The following COL4A3 variants were observed in gnomAD, a reference collection of about 807,000 sequenced individuals.
COL4A3 encodes the protein collagen alpha-3(IV) chain.
A neutral mutation model predicts 217.4 loss-of-function variants in COL4A3; 135 were observed. The observed-to-expected ratio is 0.62, with a 90% CI of 0.54 to 0.72. COL4A3 has a LOEUF of 0.72. COL4A3 is among the 30% of genes least tolerant of loss of function. The probability of loss-of-function intolerance (pLI) is 0.00; values close to 1 mark genes in which losing one functional copy is unlikely to be tolerated. For missense variants in COL4A3, 1,868 were observed against 2,119.9 expected (o/e 0.88, Z 2.33); for synonymous variants, 690 against 736.3 (o/e 0.94, Z 1.02).
chr2:227,181,798 G>T (rs1319708099), intron 1 of COL4A3, among the ~76,000 whole-genome samples: 1 of 151,910 alleles, frequency 6.6e-6, no homozygotes, highest in South Asian at 2.1e-4. Flanking sequence ...GATGATTTTT[G>T]CCTACATATC....
At chr2:227,288,620 A>C (rs535241116) in intron 34 of COL4A3, among the ~76,000 whole-genome samples, 2 of 152,354 alleles carry the variant, frequency 1.3e-5, no homozygotes, top group Admixed American at 6.5e-5. Context: ...CTAGATGAGA[A>C]TACTGTAGTG....
Position 227,245,006 on chromosome 2 carries a change from G to A in COL4A3, c.324+11G>A, listed in dbSNP as rs1285046431. On this transcript the variant is annotated intron_variant, in intron 5 of 51. Coordinates refer to ENST00000396578, the MANE Select transcript of COL4A3 (RefSeq NM_000091.5). ...TCTCCTGGACTTCCAGTAAGTAATG[G>A]GAAAAATCCGTAGCTAGAAAATTTA... is the stretch of plus-strand genomic sequence containing the variant. The A allele has an allele frequency of 5.6e-6, 9 of 1,610,992 alleles. No individual in the cohort carries two copies. Among genetic ancestry groups the A allele is most frequent in the Non-Finnish European group, 7.6e-6 (9 of 1,177,770 alleles).
At chr2:227,226,250 A>C (rs1332703173) in intron 1 of COL4A3, among the ~76,000 whole-genome samples, 1 of 152,108 alleles carries the variant, frequency 6.6e-6, no homozygotes, top group Non-Finnish European at 1.5e-5. Context: ...AAACATGAAG[A>C]ACTTTTGGAC....
At position 227,287,290 on chromosome 2, in the gene COL4A3, G is replaced by C. The variant is rs895234612; in HGVS notation, c.2882-1860G>C. On this transcript the variant is annotated intron_variant, in intron 34 of 51. Coordinates refer to ENST00000396578, the MANE Select transcript of COL4A3 (RefSeq NM_000091.5). ...CTACTAAAAATACAAAAATTAGCGG[G>C]CGTGGTGGCACACGCCTGTAATCCC... Among the ~76,000 whole-genome samples, 6 of 152,248 alleles carry C rather than the reference G, an allele frequency of 3.9e-5. No individual in the cohort carries two copies. The South Asian group carries it at 6.2e-4, about 16-fold the overall frequency.
intron 9 of COL4A3, among the ~76,000 whole-genome samples, chr2:227,249,212 G>GTGTATATATATATATATATATATA (rs1199261361): frequency 9.0e-5 from 3 of 33,232 alleles, no homozygotes; most frequent in African/African-American, 3.1e-4. Flanking sequence ...AAATTAGCTA[G>GTGTATATATATATATATATATATA]TATATATATA....
chr2:227,240,181 C>T lies in COL4A3; in HGVS notation c.183C>T (p.Gly61=). The T allele has an allele frequency of 6.2e-7, 1 of 1,611,864 alleles. No individual in the cohort carries two copies. Among genetic ancestry groups the T allele is most frequent in the Non-Finnish European group, 8.5e-7 (1 of 1,179,208 alleles). The stretch of plus-strand genomic sequence containing the variant: ...TTCCTGGACCCCCCGGTTCTCCTGG[C>T]CAGAAAGGATTCACAGGTCCTGAAG... The part of the protein sequence containing the change: ...KGFPGPPGSP[G]QKGFTGPEGL... Residue 61 remains glycine (G), a synonymous_variant, in exon 3 of 52, where the codon GGC becomes GGT. Transcript: ENST00000396578.
chr2:227,290,739 A>G lies in COL4A3; in HGVS notation c.3071-8A>G. The G allele has an allele frequency of 6.2e-7, 1 of 1,612,554 alleles. No homozygotes were observed. On this transcript the variant is annotated splice_region_variant and splice_polypyrimidine_tract_variant and intron_variant, in intron 36 of 51. Coordinates refer to ENST00000396578, the MANE Select transcript of COL4A3 (RefSeq NM_000091.5). ...CTATTTTACTCTATGTTTTCCCCCT[A>G]ATTTCAGGTTCTAAAGGAAAAAGGG...
At chr2:227,231,327 A>G (rs2068391366) in intron 1 of COL4A3, among the ~76,000 whole-genome samples, 1 of 152,122 alleles carries the variant, frequency 6.6e-6, no homozygotes, top group Non-Finnish European at 1.5e-5. Context: ...ATACCAGCAC[A>G]TGTCTGCTAT....
chr2:227,256,346 G>C lies in COL4A3; in HGVS notation c.937G>C (p.Val313Leu). The change falls in exon 17 of 52, where the codon GTC (valine) becomes CTC (leucine). Residue 313 changes from valine to leucine, a missense_variant. Transcript: ENST00000396578. Reference protein sequence around the residue: ...GVPGFPGSEGVKGNRGFPGLM... With the variant: ...GVPGFPGSEGLKGNRGFPGLM... Reference sequence around the variant, plus strand: ...TTCTTTTTGTTCTTTTCTTTAGGGAGTCAAGGGCAACAGGGGTTTCCCTGG... The same window carrying C: ...TTCTTTTTGTTCTTTTCTTTAGGGACTCAAGGGCAACAGGGGTTTCCCTGG... The C allele has an allele frequency of 6.2e-7, 1 of 1,613,530 alleles. No homozygotes were observed. Among genetic ancestry groups the C allele is most frequent in the East Asian group, 2.2e-5 (1 of 44,860 alleles).
chr2:227,310,044 C>T (rs1030134243), intron 50 of COL4A3, among the ~76,000 whole-genome samples: 20 of 152,174 alleles, frequency 1.3e-4, no homozygotes, highest in Admixed American at 1.1e-3. Flanking sequence ...GAAGTACTTT[C>T]CCCAGGGTCT....
intron 47 of COL4A3, 52 bp from the exon 48 acceptor site, chr2:227,307,658 C>T (rs552608712): frequency 1.9e-5 from 28 of 1,463,882 alleles, no homozygotes; most frequent in East Asian, 1.8e-4. Context: ...TTTGAAAAAA[C>T]GAGTTTAAGA....
At position 227,293,441 on chromosome 2, in the gene COL4A3, T is replaced by A; in HGVS notation, c.3337+124T>A. The A allele has an allele frequency of 2.7e-6, 3 of 1,119,756 alleles. No homozygotes were observed. In the East Asian group the frequency reaches 7.3e-5, roughly 27 times the overall value. 69.4% of individuals were successfully genotyped at this position (1,119,756 alleles called of 1,614,324 possible). On this transcript the variant is annotated intron_variant, in intron 38 of 51. Transcript: ENST00000396578. Reference sequence around the variant, plus strand: ...TGCTGCAGTTGCTTTTATTCAACTTTGAACTTCAAATTCTAACACACTAAG... The same window carrying A: ...TGCTGCAGTTGCTTTTATTCAACTTAGAACTTCAAATTCTAACACACTAAG...
At chr2:227,179,208 C>G (rs1304424329) in intron 1 of COL4A3, among the ~76,000 whole-genome samples, 1 of 152,180 alleles carries the variant, frequency 6.6e-6, no homozygotes, top group Non-Finnish European at 1.5e-5. Flanking sequence ...GCCTCAGCCT[C>G]CCAAAGTGCT....
chr2:227,285,338 GCTGA>G (rs912760299), intron 34 of COL4A3, among the ~76,000 whole-genome samples: 6 of 138,742 alleles, frequency 4.3e-5, no homozygotes, highest in Non-Finnish European at 9.2e-5. Flanking sequence ...CAATATAAAG[GCTGA>G]CTAACTGGCA....
chr2:227,177,406 C>T (rs113204503), intron 1 of COL4A3, among the ~76,000 whole-genome samples: 10,398 of 152,006 alleles, frequency 0.068, 499 homozygotes, highest in African/African-American at 0.13. Flanking sequence ...CCGCCCGCCT[C>T]GGCCTCCCAA....
chr2:227,288,249 A>G (rs778324218), intron 34 of COL4A3, among the ~76,000 whole-genome samples: 1 of 152,120 alleles, frequency 6.6e-6, no homozygotes, highest in African/African-American at 2.4e-5. Context: ...GGTGTGTGCC[A>G]CCAAGCCAGC....
At chr2:227,284,103 C>A in intron 33 of COL4A3, 108 bp from the exon 34 acceptor site, 1 of 1,456,038 alleles carries the variant, frequency 6.9e-7, no homozygotes, top group Non-Finnish European at 9.5e-7. Context: ...GCACTGTTAG[C>A]CTTTTTTGTT....
At chr2:227,194,733 C>T (rs1249791382) in intron 1 of COL4A3, among the ~76,000 whole-genome samples, 1 of 151,908 alleles carries the variant, frequency 6.6e-6, no homozygotes, top group Non-Finnish European at 1.5e-5. Context: ...GAAGTGAATA[C>T]AAAAGAAAGT....
intron 1 of COL4A3, among the ~76,000 whole-genome samples, chr2:227,188,603 T>C (rs1300356523): frequency 3.9e-5 from 6 of 152,226 alleles, no homozygotes; most frequent in Admixed American, 3.3e-4. Context: ...TGTTTTTAAC[T>C]TGTTTAAAAC....
Sources: allele counts gnomAD v4.1 joint callset (sites outside exome capture counted in the v4.1 genomes callset), GRCh38; gene constraint gnomAD v4.1.1; transcripts MANE v1.5; gene names NCBI Gene and HGNC (gene_info 2026-07-23, HGNC 2026-07-21).